The following FHOD3 variants were observed in gnomAD, a reference collection of about 807,000 sequenced individuals.
The protein encoded by FHOD3 is FH1/FH2 domain-containing protein 3.
FHOD3 carries 90 observed loss-of-function variants against 173.0 expected under a neutral mutation model. That is an observed-to-expected ratio of 0.52 (90% CI 0.44 to 0.62). The LOEUF (loss-of-function observed/expected upper bound fraction) is 0.62. FHOD3 is among the 20% of genes least tolerant of loss of function. FHOD3 has a pLI of 0.00. For synonymous variants in FHOD3, 828 were observed against 823.0 expected (o/e 1.01, Z -0.10); for missense variants, 1,945 against 2,034.7 (o/e 0.96, Z 0.85).
intron 8 of FHOD3, among the ~76,000 whole-genome samples, chr18:36,604,220 C>T (rs537730799): frequency 3.9e-5 from 6 of 152,300 alleles, no homozygotes; most frequent in South Asian, 2.1e-4. Flanking sequence ...TCTCCTTACA[C>T]GCTCATGCTG....
intron 14 of FHOD3, among the ~76,000 whole-genome samples, chr18:36,668,483 T>G (rs2037326629): frequency 6.6e-6 from 1 of 152,022 alleles, no homozygotes; most frequent in Non-Finnish European, 1.5e-5. Flanking sequence ...TGGTTTCATT[T>G]AATTTTTATA....
chr18:36,385,971 G>C (rs1210843864), intron 3 of FHOD3, among the ~76,000 whole-genome samples: 1 of 152,148 alleles, frequency 6.6e-6, no homozygotes, highest in Non-Finnish European at 1.5e-5. Flanking sequence ...GACACCAAGT[G>C]CTTAGTTATA....
intron 1 of FHOD3, among the ~76,000 whole-genome samples, chr18:36,353,513 A>C (rs901425967): frequency 6.6e-6 from 1 of 152,230 alleles, no homozygotes; most frequent in Non-Finnish European, 1.5e-5. Flanking sequence ...CAGATTATCA[A>C]GCATTCATCT....
intron 14 of FHOD3, among the ~76,000 whole-genome samples, chr18:36,672,548 A>G (rs2037598238): frequency 2.0e-5 from 3 of 152,202 alleles, no homozygotes. Context: ...AGGGTTCCCA[A>G]GGGCAACATG....
At chr18:36,598,975 A>G (rs1160963425) in intron 7 of FHOD3, among the ~76,000 whole-genome samples, 1 of 152,206 alleles carries the variant, frequency 6.6e-6, no homozygotes, top group Non-Finnish European at 1.5e-5. Context: ...AGACCACTGG[A>G]TCATCTTCTC....
At chr18:36,689,417 C>T (rs1297322627) in intron 16 of FHOD3, among the ~76,000 whole-genome samples, 1 of 152,144 alleles carries the variant, frequency 6.6e-6, no homozygotes, top group African/African-American at 2.4e-5. Flanking sequence ...GTAACTGTAA[C>T]AAGATGAATG....
intron 27 of FHOD3, among the ~76,000 whole-genome samples, chr18:36,761,196 A>G (rs1343348194): frequency 6.6e-6 from 1 of 152,222 alleles, no homozygotes; most frequent in South Asian, 2.1e-4. Context: ...TAGGACCTAC[A>G]GAGCCTAAAA....
chr18:36,482,956 T>A (rs1000493547), intron 3 of FHOD3, among the ~76,000 whole-genome samples: 6 of 149,936 alleles, frequency 4.0e-5, no homozygotes, highest in Non-Finnish European at 5.9e-5. Flanking sequence ...CAGTTAAAAA[T>A]GATAGCCAAG....
At chr18:36,357,450 A>T (rs2046413864) in intron 2 of FHOD3, among the ~76,000 whole-genome samples, 1 of 152,226 alleles carries the variant, frequency 6.6e-6, no homozygotes, top group Non-Finnish European at 1.5e-5. Flanking sequence ...CGCACCAAGA[A>T]GACCAAGGTC....
intron 19 of FHOD3, among the ~76,000 whole-genome samples, chr18:36,723,583 A>T (rs2040901177): frequency 6.6e-6 from 1 of 152,122 alleles, no homozygotes; most frequent in Admixed American, 6.5e-5. Context: ...GCGAGGAGGG[A>T]TGATTTACCA....
At chr18:36,761,372 A>T (rs1450132969) in intron 27 of FHOD3, among the ~76,000 whole-genome samples, 1 of 152,146 alleles carries the variant, frequency 6.6e-6, no homozygotes, top group African/African-American at 2.4e-5. Context: ...TGCATTTGAC[A>T]TCTGTGAATG....
In FHOD3 at chr18:36,439,521, A is replaced by ATGTGTG. The variant is rs33931333; in HGVS notation, c.338-62369_338-62364dup. On this transcript the variant is annotated intron_variant, in intron 3 of 28. Coordinates refer to ENST00000590592, the MANE Select transcript of FHOD3 (RefSeq NM_001281740.3). ...TCTCTGGAGAAACAAAACCAATAGA[A>ATGTGTG]TGTGTGTGTGTGTGTGTGTGTGTGT... Among the ~76,000 whole-genome samples the ATGTGTG allele has an allele frequency of 9.4e-3, 1,365 of 144,736 alleles. 9 individuals are homozygous for ATGTGTG. Among genetic ancestry groups the ATGTGTG allele is most frequent in the Middle Eastern group, 0.021 (6 of 292 alleles). 95.0% of individuals were successfully genotyped at this position (144,736 alleles called of 152,430 possible).
At chr18:36,682,372 A>G (rs1470936857) in intron 15 of FHOD3, among the ~76,000 whole-genome samples, 1 of 151,292 alleles carries the variant, frequency 6.6e-6, no homozygotes, top group African/African-American at 2.4e-5. Flanking sequence ...ACCTCCTCCT[A>G]TACTTTCTCT....
At chr18:36,550,268 G>A (rs1287948213) in intron 5 of FHOD3, among the ~76,000 whole-genome samples, 4 of 71,290 alleles carry the variant, frequency 5.6e-5, no homozygotes, top group African/African-American at 1.5e-4. Flanking sequence ...ATATATATAT[G>A]GGTCTGTTTC....
intron 3 of FHOD3, among the ~76,000 whole-genome samples, chr18:36,386,388 G>A (rs914150707): frequency 2.6e-5 from 4 of 152,192 alleles, no homozygotes; most frequent in Admixed American, 6.5e-5. Flanking sequence ...ACCAGGTAGC[G>A]GCTCAGGGGC....
At chr18:36,740,019 A>C (rs2041828813) in intron 20 of FHOD3, among the ~76,000 whole-genome samples, 1 of 152,332 alleles carries the variant, frequency 6.6e-6, no homozygotes, top group African/African-American at 2.4e-5. Context: ...TTTTACTTTA[A>C]AAAATGTAAT....
At chr18:36,493,440 C>T (rs1424345309) in intron 3 of FHOD3, among the ~76,000 whole-genome samples, 2 of 152,134 alleles carry the variant, frequency 1.3e-5, no homozygotes, top group Admixed American at 6.5e-5. Flanking sequence ...TGTCACGTGC[C>T]GCATTTGAGT....
chr18:36,700,970 G>A (rs112744787), intron 17 of FHOD3, among the ~76,000 whole-genome samples: 4 of 152,286 alleles, frequency 2.6e-5, no homozygotes, highest in African/African-American at 9.6e-5. Flanking sequence ...CTTGCATCTT[G>A]TGCACAGTTG....
intron 5 of FHOD3, among the ~76,000 whole-genome samples, chr18:36,542,555 A>T (rs1340624173): frequency 6.6e-6 from 1 of 152,190 alleles, no homozygotes; most frequent in Non-Finnish European, 1.5e-5. Flanking sequence ...TATATAGGGT[A>T]TTCTCTGAAT....
Sources: allele counts gnomAD v4.1 joint callset (sites outside exome capture counted in the v4.1 genomes callset), GRCh38; gene constraint gnomAD v4.1.1; transcripts MANE v1.5; gene names NCBI Gene and HGNC (gene_info 2026-07-23, HGNC 2026-07-21).